Variants in NAV2 observed in about 807,000 individuals in gnomAD.
The protein encoded by NAV2 is helicase, APC down-regulated 1.
Under a neutral mutation model 223.2 loss-of-function variants are expected in NAV2, and 54 were observed. That is an observed-to-expected ratio of 0.24 (90% CI 0.19 to 0.30). The LOEUF (loss-of-function observed/expected upper bound fraction) is 0.30, where lower values mean the gene tolerates loss of function less well. Among genes scored for constraint, NAV2 ranks in the 10% least tolerant of loss-of-function variants. The pLI is 1.00. For synonymous variants in NAV2, 1,279 were observed against 1,239.3 expected, an observed-to-expected ratio of 1.03 and a Z score of -0.67; for missense variants, 2,806 against 3,147.5, an observed-to-expected ratio of 0.89 and a Z score of 2.60.
chr11:19,467,586 G>A (rs1055490887), intron 1 of NAV2, among the ~76,000 whole-genome samples: 6 of 152,194 alleles, frequency 3.9e-5, no homozygotes, highest in Non-Finnish European at 8.8e-5. Flanking sequence ...TTTAGAGTAA[G>A]TTAAAGGTAA....
At chr11:19,538,601 A>C (rs2044253600) in intron 1 of NAV2, among the ~76,000 whole-genome samples, 2 of 150,264 alleles carry the variant, frequency 1.3e-5, no homozygotes, top group Non-Finnish European at 1.5e-5. Context: ...CAATCCTCCC[A>C]CCTCAGGCTC....
chr11:19,475,131 C>T (rs1418621971), intron 1 of NAV2, among the ~76,000 whole-genome samples: 1 of 152,232 alleles, frequency 6.6e-6, no homozygotes, highest in Admixed American at 6.5e-5. Flanking sequence ...CTGGGGAAAG[C>T]CGGAAGGCTA....
intron 11 of NAV2, among the ~76,000 whole-genome samples, chr11:20,030,779 C>T (rs77003597): frequency 0.026 from 3,942 of 152,206 alleles, 174 homozygotes; most frequent in African/African-American, 0.09. Flanking sequence ...TTTTTACAAC[C>T]GTAATCCAAT....
At chr11:19,927,928 T>C (rs1222245682) in intron 6 of NAV2, among the ~76,000 whole-genome samples, 2 of 152,320 alleles carry the variant, frequency 1.3e-5, no homozygotes, top group East Asian at 3.9e-4. Flanking sequence ...AAATTACCTT[T>C]GGCTCAACAA....
At chr11:19,512,306 C>T (rs1377758842) in intron 1 of NAV2, among the ~76,000 whole-genome samples, 2 of 152,162 alleles carry the variant, frequency 1.3e-5, no homozygotes, top group African/African-American at 4.8e-5. Flanking sequence ...TGGCAGTTTG[C>T]TTTCTTGGGA....
intron 11 of NAV2, among the ~76,000 whole-genome samples, chr11:19,992,583 CTT>C (rs780559920): frequency 5.8e-5 from 6 of 103,578 alleles, no homozygotes; most frequent in Admixed American, 3.7e-4. Flanking sequence ...TCCTGAAGTA[CTT>C]TTTTTTTTTT....
At chr11:19,753,366 C>G (rs2053991006) in intron 1 of NAV2, among the ~76,000 whole-genome samples, 1 of 152,104 alleles carries the variant, frequency 6.6e-6, no homozygotes, top group African/African-American at 2.4e-5. Context: ...TTCTTACCAC[C>G]CCCACCCAAG....
intron 1 of NAV2, among the ~76,000 whole-genome samples, chr11:19,576,786 C>T (rs1428616326): frequency 6.6e-6 from 1 of 152,130 alleles, no homozygotes; most frequent in Non-Finnish European, 1.5e-5. Context: ...AGAAGGGAAC[C>T]CTGAGCCTTT....
intron 3 of NAV2, among the ~76,000 whole-genome samples, chr11:19,856,863 A>G (rs1229434790): frequency 6.6e-6 from 1 of 152,238 alleles, no homozygotes; most frequent in East Asian, 1.9e-4. Context: ...CCACCAGGAC[A>G]GGTCTTACAT....
At chr11:19,875,630 G>T (rs1354721757) in intron 4 of NAV2, among the ~76,000 whole-genome samples, 3 of 152,190 alleles carry the variant, frequency 2.0e-5, no homozygotes, top group Non-Finnish European at 4.4e-5. Context: ...CTGGGAGTGG[G>T]TTTGGGGATT....
At chr11:19,655,457 G>A (rs535345979) in intron 1 of NAV2, among the ~76,000 whole-genome samples, 42 of 152,220 alleles carry the variant, frequency 2.8e-4, no homozygotes, top group African/African-American at 1.0e-3. Context: ...GTTTATTGTG[G>A]CACTATTCAC....
intron 4 of NAV2, among the ~76,000 whole-genome samples, chr11:19,876,643 A>G (rs1565477224): frequency 6.6e-6 from 1 of 152,176 alleles, no homozygotes; most frequent in Admixed American, 6.6e-5. Context: ...CTAAATGACA[A>G]TGGTAGGTAG....
intron 1 of NAV2, among the ~76,000 whole-genome samples, chr11:19,443,513 G>A (rs147928439): frequency 1.2e-4 from 19 of 152,340 alleles, no homozygotes; most frequent in Non-Finnish European, 2.2e-4. Flanking sequence ...CACCTGTCAG[G>A]TGACCTGCTG....
intron 1 of NAV2, among the ~76,000 whole-genome samples, chr11:19,378,806 C>T (rs995557151): frequency 3.3e-5 from 5 of 152,082 alleles, no homozygotes; most frequent in Non-Finnish European, 5.9e-5. Context: ...TCTGAGGATC[C>T]GTTGGGTCCA....
intron 16 of NAV2, among the ~76,000 whole-genome samples, chr11:20,050,980 T>C (rs889294480): frequency 1.3e-5 from 2 of 152,208 alleles, no homozygotes. Context: ...GACCTCTGCT[T>C]TGAGGTGGAG....
rs866444839 is a variant in NAV2 at position 20,114,476 on chromosome 11, C to T, written c.6961-116C>T. ...TGAGCATGGAATAGAAGTGGAATTA[C>T]TCCATCAGGGAAGGCATGATGCTGG... On this transcript the variant is annotated intron_variant, in intron 36 of 37. Transcript: ENST00000349880. 3.7e-5 allele frequency: 32 copies of T among 869,090 alleles called. 3 individuals are homozygous for T. The Middle Eastern group carries it at 5.8e-3, about 157-fold the overall frequency. The allele number at this position is 869,090 out of a possible 1,614,324, so 53.8% of individuals were successfully genotyped here.
chr11:19,956,507 C>T (rs1377134870), intron 10 of NAV2, among the ~76,000 whole-genome samples: 1 of 152,130 alleles, frequency 6.6e-6, no homozygotes, highest in African/African-American at 2.4e-5. Context: ...CATGACCTCC[C>T]TTACATTCAG....
At chr11:19,719,607 C>G (rs1411027983) in intron 1 of NAV2, among the ~76,000 whole-genome samples, 2 of 152,230 alleles carry the variant, frequency 1.3e-5, no homozygotes, top group East Asian at 3.9e-4. Flanking sequence ...AAGGTCAGAT[C>G]CAAGTTTGGA....
At chr11:20,038,696 C>T (rs2056630835) in intron 12 of NAV2, among the ~76,000 whole-genome samples, 1 of 152,172 alleles carries the variant, frequency 6.6e-6, no homozygotes, top group Non-Finnish European at 1.5e-5. Flanking sequence ...TACTGGTTTA[C>T]CCTGGAACAG....
Sources: allele counts gnomAD v4.1 joint callset (sites outside exome capture counted in the v4.1 genomes callset), GRCh38; gene constraint gnomAD v4.1.1; transcripts MANE v1.5; gene names NCBI Gene and HGNC (gene_info 2026-07-23, HGNC 2026-07-21).